Variants in C7 observed in about 807,000 individuals in gnomAD.
The protein encoded by C7 is complement C7.
In C7, 83 loss-of-function variants were observed where a neutral mutation model predicts 104.8. The observed-to-expected ratio is 0.79, with a 90% confidence interval of 0.66 to 0.95. The LOEUF is 0.95. C7 is among the 40% of genes least tolerant of loss of function. The probability of loss-of-function intolerance (pLI) is 0.00; values close to 1 mark genes in which losing one functional copy is unlikely to be tolerated. For synonymous variants in C7, 415 were observed against 360.6 expected (o/e 1.15, Z -1.71); for missense variants, 1,070 against 1,011.2 (o/e 1.06, Z -0.79).
At position 40,945,254 on chromosome 5, in the gene C7, A is replaced by C. The variant is rs775368293; in HGVS notation, c.624A>C (p.Val208=). ...TTTACAATAGTACTTGGTCTTATGT[A>C]AAACATACGTCGACAGAACACACAT... ...YEFYNSTWSY[V]KHTSTEHTSS... The change falls in exon 7 of 18, where the codon GTA becomes GTC. Residue 208 remains valine (V), a synonymous_variant. Transcript: ENST00000313164. 3 of 1,572,838 alleles carry C rather than the reference A, an allele frequency of 1.9e-6. No individual in the cohort carries two copies. The South Asian group carries it at 3.5e-5, about 19-fold the overall frequency.
chr5:40,980,389 G>A (rs1740916976), intron 17 of C7: 1 of 152,410 alleles, frequency 6.6e-6, no homozygotes, highest in Non-Finnish European at 1.5e-5. Flanking sequence ...CTGTTTCTCT[G>A]TGAGTTTAGC....
At chr5:40,919,092 G>T (rs2111618438) in intron 1 of C7, among the ~76,000 whole-genome samples, 1 of 151,076 alleles carries the variant, frequency 6.6e-6, no homozygotes, top group East Asian at 1.9e-4. Context: ...ACAAGCTTCA[G>T]CAAATTTAAG....
rs921933532 is a variant in C7, at chr5:40,984,105, C to T, written c.*2532C>T. On this transcript the variant is annotated 3_prime_UTR_variant, in exon 18 of 18. Transcript: ENST00000313164. ...AAGGTGCCTGAGAATATTTCCTAATCGTTTTGAGAAGTGCCTTCCTGTGAC... is the reference window on the plus strand; with the variant it reads ...AAGGTGCCTGAGAATATTTCCTAATTGTTTTGAGAAGTGCCTTCCTGTGAC... Among the ~76,000 whole-genome samples the T allele has an allele frequency of 3.3e-5, 5 of 152,184 alleles. No individual in the cohort carries two copies. Among genetic ancestry groups the T allele is most frequent in the Non-Finnish European group, 7.3e-5 (5 of 68,036 alleles).
intron 9 of C7, among the ~76,000 whole-genome samples, chr5:40,950,799 G>T (rs1180257724): frequency 6.6e-6 from 1 of 152,180 alleles, no homozygotes; most frequent in Non-Finnish European, 1.5e-5. Flanking sequence ...TGCTGACATG[G>T]CTACTCCGTG....
chr5:40,916,368 A>C (rs1739316248), intron 1 of C7, among the ~76,000 whole-genome samples: 1 of 152,210 alleles, frequency 6.6e-6, no homozygotes, highest in Non-Finnish European at 1.5e-5. Context: ...CCACAGTACT[A>C]AAGAATAAGA....
rs983221833 is a variant in C7, at chr5:40,936,444, T to C, written c.387T>C (p.Asp129=). The C allele has an allele frequency of 8.1e-6, 13 of 1,613,160 alleles. No homozygotes were observed. Among genetic ancestry groups the C allele is most frequent in the Non-Finnish European group, 1.1e-5 (13 of 1,179,466 alleles). The part of the protein sequence containing the change: ...CEDSERRPSC[D]IDKPPPNIEL... ...ACTCAGAAAGGAGACCTTCCTGTGA[T>C]ATCGATAAACCTCCTCCTAACATAG... is the stretch of plus-strand genomic sequence containing the variant. The change falls in exon 5 of 18, where the codon GAT becomes GAC. Residue 129 remains aspartate (D), a synonymous_variant. Coordinates refer to ENST00000313164, the MANE Select transcript of C7 (RefSeq NM_000587.4).
chr5:40,949,035 T>C (rs920150126), intron 8 of C7, among the ~76,000 whole-genome samples: 2 of 152,148 alleles, frequency 1.3e-5, no homozygotes, highest in African/African-American at 4.8e-5. Context: ...ACAAGGACAC[T>C]ATTTCTTTGG....
chr5:40,960,601 G>A (rs951931001), intron 12 of C7, among the ~76,000 whole-genome samples: 1 of 152,152 alleles, frequency 6.6e-6, no homozygotes, highest in African/African-American at 2.4e-5. Context: ...AAGCTAGGAG[G>A]AGAGGTACAT....
chr5:40,923,695 G>C (rs995533105), intron 1 of C7, among the ~76,000 whole-genome samples: 2 of 151,602 alleles, frequency 1.3e-5, no homozygotes, highest in Non-Finnish European at 2.9e-5. Context: ...GCAGTGAGCC[G>C]AGATTGTGCC....
At chr5:40,955,618 G>T in intron 10 of C7, 65 bp downstream of exon 10, 1 of 1,479,584 alleles carries the variant, frequency 6.8e-7, no homozygotes, top group Non-Finnish European at 9.2e-7. Context: ...GAAAACGAAG[G>T]TGGTTAAATC....
chr5:40,930,937 T>C (rs1739668392), intron 2 of C7, 127 bp from the exon 3 acceptor site: 2 of 705,028 alleles, frequency 2.8e-6, no homozygotes, highest in Non-Finnish European at 5.1e-6. Flanking sequence ...TTAGGATCCT[T>C]TTAGTGTCTC....
At chr5:40,920,965 C>G (rs1739425629) in intron 1 of C7, among the ~76,000 whole-genome samples, 1 of 151,242 alleles carries the variant, frequency 6.6e-6, no homozygotes, top group African/African-American at 2.4e-5. Flanking sequence ...AGGAGAATTG[C>G]TTGAACTTGG....
chr5:40,949,008 A>C (rs573455703), intron 8 of C7, among the ~76,000 whole-genome samples: 2 of 152,092 alleles, frequency 1.3e-5, no homozygotes, highest in East Asian at 3.8e-4. Context: ...GCACAAGTAC[A>C]GGTTTTTGTA....
At chr5:40,948,608 T>C (rs887720697) in intron 8 of C7, among the ~76,000 whole-genome samples, 2 of 152,192 alleles carry the variant, frequency 1.3e-5, no homozygotes, top group Non-Finnish European at 2.9e-5. Flanking sequence ...TGATTTCATA[T>C]TGAGAGAAGA....
chr5:40,973,314 A>C (rs1740737602), intron 15 of C7, among the ~76,000 whole-genome samples: 1 of 152,192 alleles, frequency 6.6e-6, no homozygotes, highest in Non-Finnish European at 1.5e-5. Flanking sequence ...AAAATATTGT[A>C]TTTGTAACAA....
At chr5:40,960,681 T>C (rs1740402441) in intron 12 of C7, among the ~76,000 whole-genome samples, 2 of 152,224 alleles carry the variant, frequency 1.3e-5, no homozygotes, top group South Asian at 4.2e-4. Flanking sequence ...TCTTTCTCAG[T>C]ACAAATAGGA....
chr5:40,971,344 G>A (rs1254873757), intron 14 of C7, among the ~76,000 whole-genome samples: 1 of 152,172 alleles, frequency 6.6e-6, no homozygotes. Context: ...CAGTGATGAT[G>A]AGCATTTTTT....
chr5:40,983,128 A>G lies in C7; in HGVS notation c.*1555A>G, dbSNP rs1224763904. Among the ~76,000 whole-genome samples, 1 of 152,226 alleles carries G rather than the reference A, an allele frequency of 6.6e-6. No homozygotes were observed. The highest frequency in any genetic ancestry group is 1.5e-5 in the Non-Finnish European group (1 of 68,038). On this transcript the variant is annotated 3_prime_UTR_variant, in exon 18 of 18. Transcript: ENST00000313164. The stretch of plus-strand genomic sequence containing the variant: ...GTTTCAATTGGTTAAAAACAATGAC[A>G]TTCAGACATTGCAACTGCATTTGTT...
intron 11 of C7, 63 bp downstream of exon 11, chr5:40,958,324 C>T: frequency 9.9e-7 from 1 of 1,008,110 alleles, no homozygotes; most frequent in Non-Finnish European, 1.4e-6. Flanking sequence ...CCCTGTTTCT[C>T]TGCTCCTTGA....
Sources: allele counts gnomAD v4.1 joint callset (sites outside exome capture counted in the v4.1 genomes callset), GRCh38; gene constraint gnomAD v4.1.1; transcripts MANE v1.5; gene names NCBI Gene and HGNC (gene_info 2026-07-23, HGNC 2026-07-21).